Variants in RASA3 observed in about 807,000 individuals in gnomAD.
RASA3 encodes the protein RAS p21 protein activator 3, also known as ras GTPase-activating protein 3.
RASA3 carries 73 observed loss-of-function variants against 110.0 expected under a neutral mutation model. That is an observed-to-expected ratio of 0.66 (90% CI 0.55 to 0.81). The LOEUF (loss-of-function observed/expected upper bound fraction) is 0.81, where lower values mean the gene tolerates loss of function less well. RASA3 is among the 30% of genes least tolerant of loss of function. RASA3 has a pLI of 0.00. For missense variants in RASA3, 976 were observed against 1,113.2 expected (o/e 0.88, Z 1.75); for synonymous variants, 500 against 451.4 (o/e 1.11, Z -1.37).
intron 1 of RASA3, among the ~76,000 whole-genome samples, chr13:114,087,608 G>C (rs1461004786): frequency 6.6e-6 from 1 of 152,250 alleles, no homozygotes; most frequent in Non-Finnish European, 1.5e-5. Context: ...GCCCCGGGCA[G>C]TGCCAGCAGG....
chr13:114,027,580 T>C, intron 6 of RASA3, 119 bp from the exon 7 acceptor site: 2 of 839,074 alleles, frequency 2.4e-6, no homozygotes, highest in Middle Eastern at 4.7e-4. Flanking sequence ...ATTTTATAAA[T>C]ATTTCTGCTG....
At chr13:114,041,200 T>A in intron 3 of RASA3, 106 bp from the exon 4 acceptor site, 1 of 982,834 alleles carries the variant, frequency 1.0e-6, no homozygotes, top group Non-Finnish European at 1.6e-6. Context: ...TCCAACAGTT[T>A]AATTCAGAAT....
At chr13:113,997,609 G>T (rs943996453) in intron 20 of RASA3, among the ~76,000 whole-genome samples, 1 of 152,010 alleles carries the variant, frequency 6.6e-6, no homozygotes, top group African/African-American at 2.4e-5. Flanking sequence ...AGGGACGGGG[G>T]TGCTGGGGCA....
chr13:114,016,061 G>A (rs2053783674), intron 13 of RASA3, 136 bp downstream of exon 13: 2 of 698,242 alleles, frequency 2.9e-6, no homozygotes, highest in Admixed American at 2.1e-5. Flanking sequence ...GCAGCCGGGT[G>A]AGGCGGGTAT....
At chr13:114,010,848 G>A (rs914540921) in intron 16 of RASA3, among the ~76,000 whole-genome samples, 4 of 148,304 alleles carry the variant, frequency 2.7e-5, no homozygotes, top group Admixed American at 6.7e-5. Flanking sequence ...GCACCGCAAC[G>A]CCCAGGAGGC....
At chr13:114,046,601 G>A (rs1022929087) in intron 3 of RASA3, among the ~76,000 whole-genome samples, 1 of 152,228 alleles carries the variant, frequency 6.6e-6, no homozygotes, top group Non-Finnish European at 1.5e-5. Flanking sequence ...ACCTCCAGGC[G>A]TTGCCATGGC....
intron 1 of RASA3, among the ~76,000 whole-genome samples, chr13:114,089,969 C>T (rs568275902): frequency 3.3e-5 from 5 of 152,268 alleles, no homozygotes; most frequent in East Asian, 3.9e-4. Flanking sequence ...GTGCTTAGCC[C>T]GTCACAGCTC....
intron 4 of RASA3, among the ~76,000 whole-genome samples, chr13:114,037,605 A>G (rs911062586): frequency 2.0e-5 from 3 of 152,226 alleles, no homozygotes; most frequent in Admixed American, 1.3e-4. Flanking sequence ...ACGGTTATAC[A>G]ATATTATGAA....
intron 2 of RASA3, among the ~76,000 whole-genome samples, chr13:114,067,438 G>A (rs9590545): frequency 0.012 from 1,852 of 152,306 alleles, 35 homozygotes; most frequent in African/African-American, 0.043. Flanking sequence ...TTCATGAGTC[G>A]CCTAATGTCA....
intron 18 of RASA3, among the ~76,000 whole-genome samples, chr13:114,004,903 C>T (rs535520438): frequency 2.0e-5 from 3 of 152,310 alleles, no homozygotes; most frequent in South Asian, 2.1e-4. Context: ...ATAAAGAAAA[C>T]GTGGCATAAA....
chr13:113,994,099 T>C (rs1425038098), intron 21 of RASA3, among the ~76,000 whole-genome samples: 1 of 152,258 alleles, frequency 6.6e-6, no homozygotes, highest in Non-Finnish European at 1.5e-5. Context: ...GAAACGTCTG[T>C]AATTTTTTCC....
At chr13:114,098,912 G>A (rs1287340838) in intron 1 of RASA3, among the ~76,000 whole-genome samples, 1 of 152,152 alleles carries the variant, frequency 6.6e-6, no homozygotes, top group Non-Finnish European at 1.5e-5. Context: ...CAGGCCAGAA[G>A]GCAGCAACGC....
chr13:114,079,012 T>C (rs1050100408), intron 1 of RASA3, among the ~76,000 whole-genome samples: 1 of 152,236 alleles, frequency 6.6e-6, no homozygotes, highest in African/African-American at 2.4e-5. Flanking sequence ...GCTGGCCTCA[T>C]GTACTGCTCA....
chr13:114,018,725 T>C, intron 10 of RASA3, 38 bp downstream of exon 10: 1 of 1,606,714 alleles, frequency 6.2e-7, no homozygotes, highest in Non-Finnish European at 8.5e-7. Flanking sequence ...AGGTGGCACC[T>C]CCTGCCCACA....
chr13:114,058,716 C>T (rs1164983905), intron 2 of RASA3, among the ~76,000 whole-genome samples: 9 of 152,240 alleles, frequency 5.9e-5, no homozygotes, highest in Non-Finnish European at 1.0e-4. Flanking sequence ...TATGCCGACC[C>T]GCAGTCCCCA....
intron 11 of RASA3, 39 bp downstream of exon 11, chr13:114,018,065 G>A (rs2053832719): frequency 6.8e-7 from 1 of 1,476,048 alleles, no homozygotes; most frequent in Middle Eastern, 2.0e-4. Flanking sequence ...CCTGTAGCGG[G>A]TCCAGGCCGC....
intron 1 of RASA3, among the ~76,000 whole-genome samples, chr13:114,104,533 G>A (rs1479682312): frequency 6.6e-6 from 1 of 152,156 alleles, no homozygotes; most frequent in African/African-American, 2.4e-5. Flanking sequence ...GAACTCCGGT[G>A]GCGGGCACAC....
intron 22 of RASA3, among the ~76,000 whole-genome samples, chr13:113,989,594 C>A (rs1321837844): frequency 6.6e-6 from 1 of 150,660 alleles, no homozygotes; most frequent in African/African-American, 2.4e-5. Context: ...TCACTCACCC[C>A]AGTCCATCCT....
rs2053925072 is a variant in RASA3, at chr13:114,021,430, C to T, written c.759G>A (p.Leu253=). 3 of 1,614,050 alleles carry T rather than the reference C, an allele frequency of 1.9e-6. No individual in the cohort carries two copies. The highest frequency in any genetic ancestry group is 2.5e-6 in the Non-Finnish European group (3 of 1,180,028). Residue 253 remains leucine, a synonymous_variant, in exon 9 of 24, where the codon CTG becomes CTA. Coordinates refer to ENST00000334062, the MANE Select transcript of RASA3 (RefSeq NM_007368.4). ...ACGCCTCGTAGGAGCTGGACTGCCGCAGGACTTTCAACGGGATCCTTAGTT... is the reference window on the plus strand; with the variant it reads ...ACGCCTCGTAGGAGCTGGACTGCCGTAGGACTTTCAACGGGATCCTTAGTT... ...LGELRIPLKV[L]RQSSSYEAWY... is the part of the protein sequence containing the mutation.
Sources: gnomAD v4.1 joint callset for allele counts (sites outside exome capture counted in the v4.1 genomes callset) on GRCh38, gnomAD v4.1.1 for gene constraint, MANE v1.5 for transcripts, NCBI Gene and HGNC (gene_info 2026-07-23, HGNC 2026-07-21) for gene names.